Variants in PAPSS2 observed in about 807,000 individuals in gnomAD.
PAPSS2 encodes the protein 3'-phosphoadenosine 5'-phosphosulfate synthase 2, also known as bifunctional 3'-phosphoadenosine 5'-phosphosulfate synthase 2.
A neutral mutation model predicts 66.5 loss-of-function variants in PAPSS2; 61 were observed. The ratio of observed to expected loss-of-function variants is 0.92; its 90% CI spans 0.75 to 1.14. The LOEUF is 1.14. PAPSS2 is among the 50% of genes most tolerant of loss of function. PAPSS2 has a pLI of 0.00. For synonymous variants in PAPSS2, 289 were observed against 287.5 expected (o/e 1.01, Z -0.05); for missense variants, 708 against 789.6 (o/e 0.90, Z 1.24).
At chr10:87,705,985 G>A (rs1182752442) in intron 1 of PAPSS2, among the ~76,000 whole-genome samples, 1 of 150,280 alleles carries the variant, frequency 6.7e-6, no homozygotes, top group East Asian at 2.0e-4. Context: ...GCCCGCCTCG[G>A]CCTCCCAGAG....
At chr10:87,665,368 C>T (rs148547844) in intron 1 of PAPSS2, among the ~76,000 whole-genome samples, 432 of 152,252 alleles carry the variant, frequency 2.8e-3, no homozygotes, top group South Asian at 4.6e-3. Context: ...CCTGCCACCA[C>T]GCCCGGCTAA....
intron 9 of PAPSS2, among the ~76,000 whole-genome samples, chr10:87,727,692 C>T (rs1434906168): frequency 6.6e-6 from 1 of 152,146 alleles, no homozygotes; most frequent in Non-Finnish European, 1.5e-5. Context: ...GAGGTCTGGT[C>T]TCAATGATCT....
chr10:87,722,754 G>A (rs932795938), intron 8 of PAPSS2, among the ~76,000 whole-genome samples: 12 of 152,308 alleles, frequency 7.9e-5, no homozygotes, highest in Admixed American at 3.3e-4. Context: ...AGTTGGATAC[G>A]TTTATATATT....
intron 6 of PAPSS2, 130 bp downstream of exon 6, chr10:87,715,228 T>A: frequency 1.5e-6 from 1 of 686,068 alleles, no homozygotes; most frequent in Non-Finnish European, 2.6e-6. Flanking sequence ...ACACTCCTTT[T>A]TTTCCAAGTT....
chr10:87,705,720 G>A (rs1027353084), intron 1 of PAPSS2, among the ~76,000 whole-genome samples: 1 of 151,238 alleles, frequency 6.6e-6, no homozygotes, highest in Non-Finnish European at 1.5e-5. Flanking sequence ...AAAATATTGG[G>A]TTTTCTTTCT....
rs553620042 is a variant in PAPSS2, at chr10:87,670,737, CT to C, written c.27+10731del. ...AGAAGTTGAATCACAGAATTTGTGT[CT>C]TCACAGTGGGATACAAAATTCTGTC... On this transcript the variant is annotated intron_variant, in intron 1 of 12. Coordinates refer to ENST00000456849, the MANE Select transcript of PAPSS2 (RefSeq NM_001015880.2). Among the ~76,000 whole-genome samples the C allele has an allele frequency of 3.9e-5, 6 of 152,254 alleles. 1 individual carries two copies. In the South Asian group the frequency reaches 1.2e-3, roughly 32 times the overall value.
chr10:87,710,873 C>G (rs1853455133), intron 2 of PAPSS2, among the ~76,000 whole-genome samples: 1 of 152,020 alleles, frequency 6.6e-6, no homozygotes, highest in African/African-American at 2.4e-5. Context: ...CGTGGTGGTG[C>G]ACGCCTGTAA....
At chr10:87,680,127 A>G (rs1853001168) in intron 1 of PAPSS2, among the ~76,000 whole-genome samples, 1 of 152,114 alleles carries the variant, frequency 6.6e-6, no homozygotes, top group African/African-American at 2.4e-5. Flanking sequence ...TCCAACCAAG[A>G]GCGAGAACCC....
chr10:87,747,589 T>C lies in PAPSS2; in HGVS notation c.*1619T>C, dbSNP rs1217234715. ...ATAGTGCCTTAACCGATATATTTTG[T>C]GACTTAAAAAATACATTTAAAACTG... On this transcript the variant is annotated 3_prime_UTR_variant, in exon 13 of 13. Coordinates refer to ENST00000456849, the MANE Select transcript of PAPSS2 (RefSeq NM_001015880.2). The C allele has an allele frequency of 6.6e-6, 1 of 152,626 alleles. No individual in the cohort carries two copies. The allele number at this position is 152,626 out of a possible 1,614,324, so 9.5% of individuals were successfully genotyped here. A position where few individuals can be genotyped will look rare whatever the true frequency, so the allele number is the denominator to read the frequency against.
At chr10:87,709,022 GA>G (rs1322389307) in intron 1 of PAPSS2, among the ~76,000 whole-genome samples, 173 bp from the exon 2 acceptor site, 5 of 152,038 alleles carry the variant, frequency 3.3e-5, no homozygotes, top group East Asian at 1.9e-4. Flanking sequence ...CTGCAGAAAT[GA>G]AAAAAACTAT....
intron 8 of PAPSS2, among the ~76,000 whole-genome samples, chr10:87,724,283 C>CA (rs925601538): frequency 1.3e-4 from 19 of 148,366 alleles, no homozygotes; most frequent in East Asian, 3.9e-4. Context: ...AGTATTCACT[C>CA]AAAAAAAAAG....
In PAPSS2 at chr10:87,741,228, T is replaced by C. The variant is rs1853864433; in HGVS notation, c.1087-7T>C. The C allele has an allele frequency of 6.2e-7, 1 of 1,613,666 alleles. No individual in the cohort carries two copies. The highest frequency in any genetic ancestry group is 8.5e-7 in the Non-Finnish European group (1 of 1,179,584). ...ATCATTAGCAATCATAACAATGTTC[T>C]TTCTAGATGGTGATGGAAAGTGGGG... On this transcript the variant is annotated splice_region_variant and splice_polypyrimidine_tract_variant and intron_variant, in intron 9 of 12. Transcript: ENST00000456849.
chr10:87,744,899 C>A, intron 11 of PAPSS2, 103 bp from the exon 12 acceptor site: 1 of 953,118 alleles, frequency 1.0e-6, no homozygotes, highest in Non-Finnish European at 1.7e-6. Context: ...AGTTGACTCA[C>A]ATTGCTGAAT....
At position 87,747,162 on chromosome 10, in the gene PAPSS2, T is replaced by C. The variant is rs189407181; in HGVS notation, c.*1192T>C. 1 of 151,580 alleles carries C rather than the reference T, an allele frequency of 6.6e-6. No homozygotes were observed. The highest frequency in any genetic ancestry group is 6.6e-5 in the Admixed American group (1 of 15,220). 9.4% of individuals were successfully genotyped at this position (151,580 alleles called of 1,614,324 possible). On this transcript the variant is annotated 3_prime_UTR_variant, in exon 13 of 13. Coordinates refer to ENST00000456849, the MANE Select transcript of PAPSS2 (RefSeq NM_001015880.2). ...TACTGAAAGGTCGAGTTTTCTGAAC[T>C]GCACTGATTTTATTGCAGTTGAAAA...
intron 9 of PAPSS2, among the ~76,000 whole-genome samples, chr10:87,728,675 G>A (rs544961547): frequency 2.6e-5 from 4 of 152,216 alleles, no homozygotes; most frequent in East Asian, 1.9e-4. Flanking sequence ...AGGAGGCAGC[G>A]GTTGCAGTGA....
At chr10:87,691,699 A>G (rs1429292169) in intron 1 of PAPSS2, among the ~76,000 whole-genome samples, 1 of 152,202 alleles carries the variant, frequency 6.6e-6, no homozygotes, top group Non-Finnish European at 1.5e-5. Flanking sequence ...GTCTGTCTGT[A>G]GGTGGGAAGA....
At chr10:87,732,420 G>A (rs1272540415) in intron 9 of PAPSS2, among the ~76,000 whole-genome samples, 1 of 152,002 alleles carries the variant, frequency 6.6e-6, no homozygotes, top group Non-Finnish European at 1.5e-5. Flanking sequence ...CTACTCAGGA[G>A]GCTGAGGTGG....
At chr10:87,728,154 A>C (rs577957673) in intron 9 of PAPSS2, among the ~76,000 whole-genome samples, 1 of 152,252 alleles carries the variant, frequency 6.6e-6, no homozygotes, top group South Asian at 2.1e-4. Flanking sequence ...GCTTCTAATT[A>C]CTGTCGGTGA....
intron 1 of PAPSS2, among the ~76,000 whole-genome samples, chr10:87,674,752 T>G (rs1852924757): frequency 6.6e-6 from 1 of 152,246 alleles, no homozygotes; most frequent in South Asian, 2.1e-4. Context: ...TTTAATACAT[T>G]GCTAAAGAAG....
Sources: gnomAD v4.1 joint callset for allele counts (sites outside exome capture counted in the v4.1 genomes callset) on GRCh38, gnomAD v4.1.1 for gene constraint, MANE v1.5 for transcripts, NCBI Gene and HGNC (gene_info 2026-07-23, HGNC 2026-07-21) for gene names.